Variants in CDK17 observed in about 807,000 individuals in gnomAD.
The protein encoded by CDK17 is cyclin-dependent kinase 17.
A neutral mutation model predicts 77.6 loss-of-function variants in CDK17; 24 were observed. The observed-to-expected ratio is 0.31, with a 90% confidence interval of 0.22 to 0.44. The LOEUF (loss-of-function observed/expected upper bound fraction) is 0.44. Among genes scored for constraint, CDK17 ranks in the 20% least tolerant of loss-of-function variants. The probability of loss-of-function intolerance (pLI) is 1.00; values close to 1 mark genes in which losing one functional copy is unlikely to be tolerated. For synonymous variants in CDK17, 203 were observed against 210.4 expected, an observed-to-expected ratio of 0.96 and a Z score of 0.30; for missense variants, 429 against 622.5, an observed-to-expected ratio of 0.69 and a Z score of 3.31.
chr12:96,331,185 T>G (rs1479704153), intron 2 of CDK17, among the ~76,000 whole-genome samples: 2 of 152,162 alleles, frequency 1.3e-5, no homozygotes, highest in Non-Finnish European at 2.9e-5. Context: ...TCCAGTGATC[T>G]GCCCACCTCG....
At chr12:96,394,798 CA>C (rs370507826) in intron 1 of CDK17, among the ~76,000 whole-genome samples, 27,041 of 85,126 alleles carry the variant, frequency 0.32, 2,701 homozygotes, top group Middle Eastern at 0.45. Context: ...GACTCCGTCT[CA>C]AAAAAAAAAA....
chr12:96,348,667 G>A (rs747614815), intron 1 of CDK17, among the ~76,000 whole-genome samples: 12 of 151,644 alleles, frequency 7.9e-5, no homozygotes, highest in South Asian at 2.1e-4. Context: ...GAAATAAAAC[G>A]GATTATAAAA....
At chr12:96,343,884 A>C (rs1366963641) in intron 1 of CDK17, among the ~76,000 whole-genome samples, 1 of 152,220 alleles carries the variant, frequency 6.6e-6, no homozygotes, top group Non-Finnish European at 1.5e-5. Context: ...AGCAGCACAG[A>C]ATTTGGAATT....
chr12:96,355,043 T>C (rs1191454429), intron 1 of CDK17, among the ~76,000 whole-genome samples: 2 of 152,282 alleles, frequency 1.3e-5, no homozygotes, highest in East Asian at 3.9e-4. Flanking sequence ...AACCCTACAA[T>C]GACTGGCACT....
intron 1 of CDK17, among the ~76,000 whole-genome samples, chr12:96,377,945 G>A (rs1471874221): frequency 2.0e-5 from 3 of 152,072 alleles, no homozygotes; most frequent in Non-Finnish European, 2.9e-5. Flanking sequence ...CGCCCACCTT[G>A]GCCTCCCAAA....
chr12:96,350,409 C>A (rs1953292578), intron 1 of CDK17, among the ~76,000 whole-genome samples: 3 of 150,414 alleles, frequency 2.0e-5, no homozygotes, highest in African/African-American at 7.3e-5. Flanking sequence ...TCCAAGGAAC[C>A]TTGAATAGTT....
intron 3 of CDK17, among the ~76,000 whole-genome samples, chr12:96,317,865 C>A (rs985692702): frequency 6.7e-6 from 1 of 149,422 alleles, no homozygotes; most frequent in Non-Finnish European, 1.5e-5. Flanking sequence ...TAAAGACCAT[C>A]GAGACTAGGA....
intron 3 of CDK17, among the ~76,000 whole-genome samples, chr12:96,315,965 A>C (rs1391248628): frequency 6.6e-6 from 1 of 152,170 alleles, no homozygotes; most frequent in Non-Finnish European, 1.5e-5. Context: ...AAGATGGCCG[A>C]ATAGGAACAG....
chr12:96,336,281 G>A (rs1039901318), intron 1 of CDK17, among the ~76,000 whole-genome samples: 17 of 152,094 alleles, frequency 1.1e-4, no homozygotes, highest in Admixed American at 2.0e-4. Context: ...GGAAAACAGC[G>A]AGAATTTGTC....
chr12:96,372,509 T>C (rs1953710974), intron 1 of CDK17, among the ~76,000 whole-genome samples: 1 of 152,130 alleles, frequency 6.6e-6, no homozygotes, highest in Non-Finnish European at 1.5e-5. Context: ...ATACCAATCC[T>C]AACAGGAAGG....
intron 1 of CDK17, among the ~76,000 whole-genome samples, chr12:96,375,028 T>G (rs911476761): frequency 6.6e-6 from 1 of 152,166 alleles, no homozygotes; most frequent in African/African-American, 2.4e-5. Context: ...CTTACTATAT[T>G]TCTCTGCTGC....
intron 3 of CDK17, among the ~76,000 whole-genome samples, chr12:96,319,501 G>C (rs1265449772): frequency 1.5e-5 from 2 of 133,788 alleles, no homozygotes; most frequent in Non-Finnish European, 3.2e-5. Context: ...AACCAAAAAA[G>C]AGAATTTTAG....
At chr12:96,346,344 C>G (rs935619511) in intron 1 of CDK17, among the ~76,000 whole-genome samples, 1 of 148,250 alleles carries the variant, frequency 6.7e-6, no homozygotes, top group Non-Finnish European at 1.5e-5. Context: ...CCCAGCTACT[C>G]GGGAGGCCGA....
At chr12:96,353,789 A>G (rs1189261331) in intron 1 of CDK17, among the ~76,000 whole-genome samples, 1 of 152,208 alleles carries the variant, frequency 6.6e-6, no homozygotes, top group Non-Finnish European at 1.5e-5. Context: ...AAGAAAGGTA[A>G]TAACTAGTAA....
intron 1 of CDK17, among the ~76,000 whole-genome samples, chr12:96,374,509 T>G (rs1393674390): frequency 1.3e-5 from 2 of 152,182 alleles, no homozygotes; most frequent in Non-Finnish European, 2.9e-5. Context: ...GGTGTTTTGC[T>G]CAGGCCTCTT....
intron 1 of CDK17, among the ~76,000 whole-genome samples, chr12:96,340,345 G>A (rs1030013966): frequency 6.6e-6 from 1 of 152,048 alleles, no homozygotes; most frequent in African/African-American, 2.4e-5. Flanking sequence ...GAGTAAGAAA[G>A]ATATTTCTAA....
chr12:96,296,343 A>G (rs1952405461), intron 9 of CDK17, among the ~76,000 whole-genome samples: 1 of 152,236 alleles, frequency 6.6e-6, no homozygotes, highest in South Asian at 2.1e-4. Context: ...GATGTAAAAT[A>G]AGATGAAAAC....
intron 5 of CDK17, among the ~76,000 whole-genome samples, chr12:96,308,311 T>A (rs1421362064): frequency 1.3e-5 from 2 of 151,374 alleles, no homozygotes; most frequent in Non-Finnish European, 2.9e-5. Flanking sequence ...CTCAGGAGCC[T>A]GACATGTGAG....
chr12:96,297,621 G>A lies in CDK17; in HGVS notation c.810+6C>T, dbSNP rs750413586. 6.6e-7 allele frequency: 1 copy of A among 1,518,122 alleles called. No individual in the cohort carries two copies. Among genetic ancestry groups the A allele is most frequent in the Non-Finnish European group, 9.1e-7 (1 of 1,099,760 alleles). The allele number at this position is 1,518,122 out of a possible 1,614,324, so 94.0% of individuals were successfully genotyped here. On this transcript the variant is annotated splice_donor_region_variant and intron_variant, in intron 8 of 16. Coordinates refer to ENST00000261211, the MANE Select transcript of CDK17 (RefSeq NM_002595.5). The stretch of plus-strand genomic sequence containing the variant: ...GTTAAATACTGAATTTTTATGAGAT[G>A]CTTACCAGATACTCAAACACCAAAG...
Sources: gnomAD v4.1 joint callset for allele counts (sites outside exome capture counted in the v4.1 genomes callset) on GRCh38, gnomAD v4.1.1 for gene constraint, MANE v1.5 for transcripts, NCBI Gene and HGNC (gene_info 2026-07-23, HGNC 2026-07-21) for gene names.